The following OTUD5 variants were observed in gnomAD, a reference collection of about 807,000 sequenced individuals.
OTUD5 encodes OTU deubiquitinase 5.
Under a neutral mutation model 36.3 loss-of-function variants are expected in OTUD5, and 2 were observed. The observed-to-expected ratio is 0.06, with a 90% CI of 0.02 to 0.17. OTUD5 has a LOEUF of 0.17. OTUD5 is among the 10% of genes least tolerant of loss of function. OTUD5 has a pLI of 1.00. For missense variants in OTUD5, 233 were observed against 512.3 expected (o/e 0.45, Z 5.26); for synonymous variants, 234 against 214.9 (o/e 1.09, Z -0.78).
chrX:48,950,336 G>A (rs961362856), intron 1 of OTUD5, among the ~76,000 whole-genome samples: 1 of 109,696 alleles, frequency 9.1e-6, no homozygotes, highest in Admixed American at 9.8e-5. Context: ...AGAAGGCGAT[G>A]GTGAAGATGG....
chrX:48,953,721 G>C (rs191613588), intron 1 of OTUD5, among the ~76,000 whole-genome samples: 6 of 111,348 alleles, frequency 5.4e-5, no homozygotes, highest in Admixed American at 4.8e-4. Flanking sequence ...CAGCAAGGCA[G>C]CCATGCCTGG....
At chrX:48,930,650 A>G in intron 5 of OTUD5, among the ~76,000 whole-genome samples, 1 of 111,848 alleles carries the variant, frequency 8.9e-6, no homozygotes, top group Non-Finnish European at 1.9e-5. Context: ...AATACATGCC[A>G]GGGCTCTCTA....
At chrX:48,930,962 C>CAA (rs372046426) in intron 5 of OTUD5, among the ~76,000 whole-genome samples, 1 of 68,828 alleles carries the variant, frequency 1.5e-5, no homozygotes, top group Non-Finnish European at 2.9e-5. Context: ...AACTCCCTCT[C>CAA]AAAAAAAAAA....
rs781965927 is a variant in OTUD5 at position 48,923,718 on chromosome X, G to T, written c.1494C>A (p.Ala498=). Residue 498 remains alanine (A), a synonymous_variant, in exon 8 of 9, where the codon GCC becomes GCA. Coordinates refer to ENST00000376488, the MANE Select transcript of OTUD5 (RefSeq NM_001136157.2). ...PGTSSQFSAG[A]DRATSPLVSL... ...ACACAAGGGGGGAAGTTGCCCGGTC[G>T]GCCCCTGCCGAGAACTGACTGCTTG... 8.3e-7 allele frequency: 1 copy of T among 1,207,169 alleles called. No individual in the cohort carries two copies. Among genetic ancestry groups the T allele is most frequent in the Admixed American group, 2.2e-5 (1 of 45,774 alleles).
intron 2 of OTUD5, chrX:48,940,267 C>T (rs1456605359): frequency 8.8e-6 from 1 of 113,890 alleles, no homozygotes; most frequent in Non-Finnish European, 1.9e-5. Context: ...GATGAGAAAC[C>T]TGAAGGATAC....
intron 1 of OTUD5, among the ~76,000 whole-genome samples, chrX:48,950,497 T>C (rs1414260507): frequency 1.8e-5 from 2 of 109,404 alleles, no homozygotes; most frequent in Non-Finnish European, 3.8e-5. Flanking sequence ...ATTGTGGACT[T>C]CTGGCCTCCA....
rs147754642 is a variant in OTUD5 at position 48,935,302 on chromosome X, T to C, written c.689-284A>G. On this transcript the variant is annotated intron_variant, in intron 2 of 8. Transcript: ENST00000376488. ...GGGTACACGTGGCCACTCAGAGAAA[T>C]CAACAACATTCTAAGTTCCACAGGT... Among the ~76,000 whole-genome samples the C allele has an allele frequency of 8.4e-4, 93 of 111,347 alleles. 2 individuals are homozygous for C. In the East Asian group the frequency reaches 0.025, roughly 30 times the overall value.
intron 2 of OTUD5, among the ~76,000 whole-genome samples, chrX:48,942,791 T>TCTA (rs1328596601): frequency 2.8e-5 from 3 of 108,720 alleles, no homozygotes; most frequent in African/African-American, 3.4e-5. Flanking sequence ...TCCATGAGGG[T>TCTA]CTACTATATG....
Position 48,957,326 on chromosome X carries a change from GC to G in OTUD5, c.244del (p.Ala82ArgfsTer56). 1 of 1,133,847 alleles carries G rather than the reference GC, an allele frequency of 8.8e-7. No homozygotes were observed. The highest frequency in any genetic ancestry group is 1.2e-6 in the Non-Finnish European group (1 of 865,685). The allele number at this position is 1,133,847 out of a possible 1,213,427, so 93.4% of individuals were successfully genotyped here. A position where few individuals can be genotyped will look rare whatever the true frequency, so the allele number is the denominator to read the frequency against. ...CACTGCACCAGGCGGCACGGCCAGC[GC>G]CCAGCGATGAAGAGCGCCCGGCGGT... is the stretch of plus-strand genomic sequence containing the variant. ...PGPPGALHRWALAVPPGAVAG... is the reference protein window; with the variant it reads ...PGPPGALHRWXLAVPPGAVAG... On this transcript the variant is annotated frameshift_variant, in exon 1 of 9. Coordinates refer to ENST00000376488, the MANE Select transcript of OTUD5 (RefSeq NM_001136157.2). LOFTEE classifies it high-confidence loss of function.
intron 5 of OTUD5, among the ~76,000 whole-genome samples, chrX:48,927,905 T>A (rs1213159770): frequency 8.9e-6 from 1 of 111,937 alleles, no homozygotes; most frequent in Non-Finnish European, 1.9e-5. Flanking sequence ...GTCACCTCAT[T>A]AGCATACAAA....
At chrX:48,941,702 C>T (rs1557051084) in intron 2 of OTUD5, among the ~76,000 whole-genome samples, 1 of 111,262 alleles carries the variant, frequency 9.0e-6, no homozygotes, top group East Asian at 2.8e-4. Flanking sequence ...CTCTGCTCCA[C>T]GTTCCTTCCA....
Position 48,957,533 on chromosome X carries a change from TCGGGAGGCGG to T in OTUD5, c.28_37del (p.Pro10ThrfsTer125). On this transcript the variant is annotated frameshift_variant, in exon 1 of 9. Coordinates refer to ENST00000376488, the MANE Select transcript of OTUD5 (RefSeq NM_001136157.2). LOFTEE classifies it high-confidence loss of function. Reference sequence around the variant, plus strand: ...CGGCGGCTCGTTGGCGGGGTCGGCGTCGGGAGGCGGCGGCTTCTTTTTGGGGAGTATAGTC... The same window carrying T: ...CGGCGGCTCGTTGGCGGGGTCGGCGTCGGCTTCTTTTTGGGGAGTATAGTC... 1.2e-6 allele frequency: 1 copy of T among 821,124 alleles called. No individual in the cohort carries two copies. Among genetic ancestry groups the T allele is most frequent in the Non-Finnish European group, 1.5e-6 (1 of 675,644 alleles). The allele number at this position is 821,124 out of a possible 1,213,427, so 67.7% of individuals were successfully genotyped here.
intron 1 of OTUD5, 112 bp downstream of exon 1, chrX:48,956,865 G>C (rs782105566): frequency 4.3e-5 from 36 of 828,943 alleles, no homozygotes; most frequent in Non-Finnish European, 5.3e-5. Flanking sequence ...GTCAGGCCCA[G>C]TGAAAACGCC....
Position 48,923,009 on chromosome X carries a change from G to A in OTUD5, c.*165C>T. On this transcript the variant is annotated 3_prime_UTR_variant, in exon 9 of 9. Transcript: ENST00000376488. ...GGTGATAGTGGCAGCGGCAATGAGA[G>A]AGAGTGCAGGGGTGGGCTAGCCAGA... 9.1e-7 allele frequency: 1 copy of A among 1,104,934 alleles called. No individual in the cohort carries two copies. The highest frequency in any genetic ancestry group is 1.8e-5 in the African/African-American group (1 of 54,746). The allele number at this position is 1,104,934 out of a possible 1,213,427, so 91.1% of individuals were successfully genotyped here.
At chrX:48,950,279 G>C (rs2064112911) in intron 1 of OTUD5, among the ~76,000 whole-genome samples, 1 of 111,497 alleles carries the variant, frequency 9.0e-6, no homozygotes, top group African/African-American at 3.3e-5. Context: ...ATAAAAGAGA[G>C]ACAGAGGGAA....
chrX:48,922,942 T>C lies in OTUD5; in HGVS notation c.*232A>G. The C allele has an allele frequency of 2.9e-6, 3 of 1,026,353 alleles. No individual in the cohort carries two copies. The highest frequency in any genetic ancestry group is 1.2e-6 in the Non-Finnish European group (1 of 803,407). 84.6% of individuals were successfully genotyped at this position (1,026,353 alleles called of 1,213,427 possible). ...AATGCAGGGATGGTTCTGTGCGGGA[T>C]GGGGTGGGGGGCAACAGGGCACATC... On this transcript the variant is annotated 3_prime_UTR_variant, in exon 9 of 9. Coordinates refer to ENST00000376488, the MANE Select transcript of OTUD5 (RefSeq NM_001136157.2).
At chrX:48,950,310 G>A (rs984204336) in intron 1 of OTUD5, among the ~76,000 whole-genome samples, 1 of 110,462 alleles carries the variant, frequency 9.1e-6, no homozygotes, top group Non-Finnish European at 1.9e-5. Context: ...GACAGAAAAG[G>A]AAACCACATA....
intron 5 of OTUD5, among the ~76,000 whole-genome samples, chrX:48,930,236 A>G (rs1177273103): frequency 8.9e-6 from 1 of 112,597 alleles, no homozygotes; most frequent in Non-Finnish European, 1.9e-5. Flanking sequence ...TGTAGCATTG[A>G]GCTATAGTGA....
intron 1 of OTUD5, among the ~76,000 whole-genome samples, chrX:48,947,430 C>T (rs1175298630): frequency 2.7e-5 from 3 of 109,482 alleles, no homozygotes; most frequent in African/African-American, 6.7e-5. Flanking sequence ...GGGCCAGGCA[C>T]GGTGGTTCAC....
Sources: allele counts gnomAD v4.1 joint callset (sites outside exome capture counted in the v4.1 genomes callset), GRCh38; gene constraint gnomAD v4.1.1; transcripts MANE v1.5; gene names NCBI Gene and HGNC (gene_info 2026-07-23, HGNC 2026-07-21).